The following MYH10 variants were observed in gnomAD, a reference collection of about 807,000 sequenced individuals.
MYH10 encodes the protein myosin heavy chain 10, also known as myosin-10.
Under a neutral mutation model 257.8 loss-of-function variants are expected in MYH10, and 55 were observed. The observed-to-expected ratio is 0.21, with a 90% CI of 0.17 to 0.27. The LOEUF is 0.27. Among genes scored for constraint, MYH10 ranks in the 10% least tolerant of loss-of-function variants. MYH10 has a pLI of 1.00. For missense variants in MYH10, 1,631 were observed against 2,500.6 expected, an observed-to-expected ratio of 0.65 and a Z score of 7.42; for synonymous variants, 854 against 921.7, an observed-to-expected ratio of 0.93 and a Z score of 1.33.
intron 21 of MYH10, among the ~76,000 whole-genome samples, chr17:8,515,104 C>G (rs1206915540): frequency 2.6e-5 from 4 of 152,142 alleles, no homozygotes; most frequent in Non-Finnish European, 5.9e-5. Flanking sequence ...GACCGACAGA[C>G]TCCAGGCCTC....
chr17:8,605,257 G>C (rs548654984), intron 2 of MYH10, among the ~76,000 whole-genome samples: 2 of 152,122 alleles, frequency 1.3e-5, no homozygotes, highest in African/African-American at 4.8e-5. Context: ...CTGACTTCAC[G>C]TGGCTATCAT....
At chr17:8,546,260 T>C (rs1408298678) in intron 12 of MYH10, among the ~76,000 whole-genome samples, 2 of 152,174 alleles carry the variant, frequency 1.3e-5, no homozygotes, top group African/African-American at 4.8e-5. Context: ...GGTTTCACCA[T>C]ACTGGTCAGG....
intron 29 of MYH10, 87 bp downstream of exon 29, chr17:8,500,739 T>A (rs1917394620): frequency 2.0e-6 from 3 of 1,499,284 alleles, no homozygotes; most frequent in Non-Finnish European, 2.7e-6. Context: ...AATCAATACA[T>A]GACTGAACAG....
In MYH10 at chr17:8,535,527, G is replaced by A. The variant is rs367866119; in HGVS notation, c.1780-26C>T. On this transcript the variant is annotated intron_variant, in intron 15 of 42. Coordinates refer to ENST00000360416, the MANE Select transcript of MYH10 (RefSeq NM_001256012.3). This position sits in a 1 kb window ranked among gnomAD's most constrained non-coding sequence, Gnocchi z 4.3. ...CTATCCCGCACCAAAGCCAAAAGTG[G>A]TGAAATGGAGAACACAAAACCAAAT... 5 of 1,562,358 alleles carry A rather than the reference G, an allele frequency of 3.2e-6. No homozygotes were observed. Among genetic ancestry groups the A allele is most frequent in the South Asian group, 1.2e-5 (1 of 86,816 alleles).
chr17:8,547,796 ATT>A (rs2082493442), intron 11 of MYH10, among the ~76,000 whole-genome samples: 1 of 147,140 alleles, frequency 6.8e-6, no homozygotes, highest in African/African-American at 2.5e-5. Context: ...ATATTTATAT[ATT>A]TATATTAAAT....
chr17:8,621,668 C>T (rs894882516), intron 2 of MYH10, among the ~76,000 whole-genome samples: 3 of 152,146 alleles, frequency 2.0e-5, no homozygotes, highest in Admixed American at 6.5e-5. Context: ...ACCCTGTGGC[C>T]TCTTACTCTC....
chr17:8,536,010 A>C (rs2082129738), intron 14 of MYH10, 79 bp from the exon 15 acceptor site: 2 of 1,331,550 alleles, frequency 1.5e-6, no homozygotes, highest in African/African-American at 3.0e-5. Context: ...TAAACTTCTA[A>C]AACAATTAGT....
chr17:8,565,157 AAT>A (rs1184551179), intron 7 of MYH10, among the ~76,000 whole-genome samples: 1 of 152,248 alleles, frequency 6.6e-6, no homozygotes, highest in African/African-American at 2.4e-5. Context: ...TTTCATTTGG[AAT>A]ATGTTAAACT....
intron 6 of MYH10, among the ~76,000 whole-genome samples, chr17:8,575,096 G>A (rs971700330): frequency 6.6e-6 from 1 of 152,196 alleles, no homozygotes; most frequent in Non-Finnish European, 1.5e-5. Context: ...CATGCAAATC[G>A]GCAATGACCG....
chr17:8,613,266 G>A lies in MYH10; in HGVS notation c.346-8284C>T, dbSNP rs529087029. 5.9e-5 allele frequency among the ~76,000 whole-genome samples: 9 copies of A among 152,190 alleles called. 1 individual carries two copies. The South Asian group carries it at 1.7e-3, about 28-fold the overall frequency. ...CAAAAAAACTTCAAAAATAAAGGACGAGTAGATACTTCAGATAAAAGGGGC... is the reference window on the plus strand; with the variant it reads ...CAAAAAAACTTCAAAAATAAAGGACAAGTAGATACTTCAGATAAAAGGGGC... On this transcript the variant is annotated intron_variant, in intron 2 of 42. Transcript: ENST00000360416.
chr17:8,573,476 A>C (rs904728633), intron 6 of MYH10, among the ~76,000 whole-genome samples: 1 of 152,192 alleles, frequency 6.6e-6, no homozygotes, highest in Non-Finnish European at 1.5e-5. Flanking sequence ...AAACACAGGG[A>C]GACAAGTGGG....
chr17:8,589,737 C>T (rs556239703), intron 3 of MYH10, among the ~76,000 whole-genome samples: 2 of 152,268 alleles, frequency 1.3e-5, no homozygotes, highest in Middle Eastern at 3.4e-3. Flanking sequence ...AAGAATCTAA[C>T]ATGATTTTAA....
At chr17:8,605,408 A>G (rs906827242) in intron 2 of MYH10, among the ~76,000 whole-genome samples, 2 of 152,218 alleles carry the variant, frequency 1.3e-5, no homozygotes, top group Non-Finnish European at 2.9e-5. Flanking sequence ...GTTTGGGTAC[A>G]GTATCAAAGA....
At chr17:8,491,913 T>G (rs1915832539) in intron 34 of MYH10, among the ~76,000 whole-genome samples, 2 of 152,192 alleles carry the variant, frequency 1.3e-5, no homozygotes. Flanking sequence ...CAGAGGGAGC[T>G]GCCATTCCCT....
At chr17:8,573,602 T>C (rs1003955842) in intron 6 of MYH10, among the ~76,000 whole-genome samples, 12 of 152,318 alleles carry the variant, frequency 7.9e-5, no homozygotes, top group African/African-American at 2.9e-4. Context: ...GTGCTAGACT[T>C]TGAGGGTCTC....
At chr17:8,498,725 G>A (rs922954574) in intron 30 of MYH10, among the ~76,000 whole-genome samples, 4 of 152,064 alleles carry the variant, frequency 2.6e-5, no homozygotes, top group East Asian at 1.9e-4. Flanking sequence ...GCGGGTGCCT[G>A]TAGTCCCAGC....
intron 3 of MYH10, among the ~76,000 whole-genome samples, chr17:8,598,075 G>C (rs192900876): frequency 2.6e-5 from 4 of 152,080 alleles, no homozygotes; most frequent in Non-Finnish European, 4.4e-5. Context: ...TCTGCCTCCC[G>C]GGTTCAGGCC....
rs1157189190 is a variant in MYH10 at position 8,535,695 on chromosome 17, AAAATGTAGCAAAATTTC to A, written c.1779+46_1779+62del. 1.2e-5 allele frequency: 18 copies of A among 1,527,646 alleles called. No homozygotes were observed. The highest frequency in any genetic ancestry group is 1.6e-5 in the Non-Finnish European group (18 of 1,116,550). 94.6% of individuals were successfully genotyped at this position (1,527,646 alleles called of 1,614,324 possible). A position where few individuals can be genotyped will look rare whatever the true frequency, so the allele number is the denominator to read the frequency against. On this transcript the variant is annotated intron_variant, in intron 15 of 42. Transcript: ENST00000360416. This position sits in a 1 kb window ranked among gnomAD's most constrained non-coding sequence, Gnocchi z 4.3. Reference sequence around the variant, plus strand: ...TCAGCACCTTTGTTACACCTTCATAAAAATGTAGCAAAATTTCAAACACAGCCATTTTAATCCAGTTA... The same window carrying A: ...TCAGCACCTTTGTTACACCTTCATAAAAACACAGCCATTTTAATCCAGTTA...
Position 8,506,944 on chromosome 17 carries a change from A to G in MYH10, c.3215-455T>C, listed in dbSNP as rs1248275278. On this transcript the variant is annotated intron_variant, in intron 26 of 42. Coordinates refer to ENST00000360416, the MANE Select transcript of MYH10 (RefSeq NM_001256012.3). This position sits in a 1 kb window ranked among gnomAD's most constrained non-coding sequence, Gnocchi z 5.0. Reference sequence around the variant, plus strand: ...CCTCGAGTACTGGGAGAGAGGAGACAGAAGAGTGGGCAGAGAGGGCCAGGC... The same window carrying G: ...CCTCGAGTACTGGGAGAGAGGAGACGGAAGAGTGGGCAGAGAGGGCCAGGC... Among the ~76,000 whole-genome samples the G allele has an allele frequency of 2.0e-5, 3 of 152,240 alleles. No homozygotes were observed.
Sources: allele counts gnomAD v4.1 joint callset (sites outside exome capture counted in the v4.1 genomes callset), GRCh38; gene constraint gnomAD v4.1.1; non-coding constraint Gnocchi (gnomAD v3.1); transcripts MANE v1.5; gene names NCBI Gene and HGNC (gene_info 2026-07-23, HGNC 2026-07-21).